Variants in TAFA5 observed in about 807,000 individuals in gnomAD.
TAFA5 encodes the protein TAFA chemokine like family member 5.
TAFA5 carries 6 observed loss-of-function variants against 15.3 expected under a neutral mutation model. The ratio of observed to expected loss-of-function variants is 0.39; its 90% CI spans 0.21 to 0.77. The LOEUF (loss-of-function observed/expected upper bound fraction) is 0.77. TAFA5 is among the 30% of genes least tolerant of loss of function. TAFA5 has a pLI of 0.41. For missense variants in TAFA5, 161 were observed against 193.1 expected (o/e 0.83, Z 0.98); for synonymous variants, 103 against 80.7 (o/e 1.28, Z -1.48).
chr22:48,693,193 C>T, intron 2 of TAFA5: 1 of 1,133,194 alleles, frequency 8.8e-7, no homozygotes, highest in Non-Finnish European at 1.3e-6. Flanking sequence ...CTGGAGGGGC[C>T]TCAGTGACGG....
chr22:48,710,733 G>T (rs79794215), intron 3 of TAFA5, among the ~76,000 whole-genome samples: 6,402 of 152,304 alleles, frequency 0.042, 433 homozygotes, highest in African/African-American at 0.14. Flanking sequence ...ATTCCAGAGG[G>T]GTTCGAGCCT....
chr22:48,537,448 G>A (rs997149366), intron 1 of TAFA5, among the ~76,000 whole-genome samples: 6 of 152,242 alleles, frequency 3.9e-5, no homozygotes, highest in Non-Finnish European at 7.3e-5. Flanking sequence ...TGTGCCAGGA[G>A]GCATGTGGGC....
intron 3 of TAFA5, among the ~76,000 whole-genome samples, chr22:48,740,886 G>A (rs1206581962): frequency 6.6e-6 from 1 of 152,188 alleles, no homozygotes; most frequent in Non-Finnish European, 1.5e-5. Context: ...CTGGGACTGT[G>A]CCAGGTAAAC....
At chr22:48,533,511 G>T (rs1411564254) in intron 1 of TAFA5, among the ~76,000 whole-genome samples, 1 of 152,212 alleles carries the variant, frequency 6.6e-6, no homozygotes, top group Non-Finnish European at 1.5e-5. Flanking sequence ...GCCCATCAGA[G>T]ATGTCAGCAG....
intron 1 of TAFA5, among the ~76,000 whole-genome samples, chr22:48,510,023 CATT>C (rs936234496): frequency 3.3e-5 from 5 of 151,066 alleles, no homozygotes; most frequent in Non-Finnish European, 5.9e-5. Context: ...CTGTCTCTCA[CATT>C]ATAAAGAAAC....
At chr22:48,587,704 G>A (rs1034854954) in intron 1 of TAFA5, among the ~76,000 whole-genome samples, 4 of 152,198 alleles carry the variant, frequency 2.6e-5, no homozygotes, top group Non-Finnish European at 5.9e-5. Flanking sequence ...CAGGGTGCGG[G>A]TTCCCCACTT....
At chr22:48,509,597 T>C (rs1483955099) in intron 1 of TAFA5, among the ~76,000 whole-genome samples, 1 of 152,180 alleles carries the variant, frequency 6.6e-6, no homozygotes, top group Non-Finnish European at 1.5e-5. Flanking sequence ...AACATCCATT[T>C]GGGGAAAGGA....
chr22:48,678,472 C>A (rs1928048024), intron 2 of TAFA5, among the ~76,000 whole-genome samples: 1 of 152,116 alleles, frequency 6.6e-6, no homozygotes, highest in African/African-American at 2.4e-5. Context: ...AATGCTGAGG[C>A]CTGTGGTCCA....
intron 1 of TAFA5, among the ~76,000 whole-genome samples, chr22:48,571,574 GTTTTTTTTTTT>G (rs57578802): frequency 0.012 from 344 of 29,254 alleles, 7 homozygotes; most frequent in East Asian, 0.04. Context: ...TGCCTGGCCT[GTTTTTTTTTTT>G]TTTTTTTTTT....
In TAFA5 at chr22:48,742,103, T is replaced by C. The variant is rs1207797369; in HGVS notation, c.391-7736T>C. Among the ~76,000 whole-genome samples, 1 of 152,152 alleles carries C rather than the reference T, an allele frequency of 6.6e-6. No homozygotes were observed. Among genetic ancestry groups the C allele is most frequent in the Non-Finnish European group, 1.5e-5 (1 of 68,008 alleles). On this transcript the variant is annotated intron_variant, in intron 3 of 3. Transcript: ENST00000402357. The surrounding 1 kb of genome is among the most constrained non-coding windows in gnomAD (Gnocchi z 6.2). ...GGAGGCTGTGGGAGGTCGGGGCACC[T>C]GCCAGGCTCTGGAGGGGTCTGGCTG...
intron 1 of TAFA5, among the ~76,000 whole-genome samples, chr22:48,618,207 T>C (rs1410111420): frequency 6.6e-6 from 1 of 152,156 alleles, no homozygotes; most frequent in East Asian, 1.9e-4. Flanking sequence ...GTTGGGGCTC[T>C]GGAAGTCTCT....
intron 2 of TAFA5, among the ~76,000 whole-genome samples, chr22:48,668,839 C>A (rs1927709871): frequency 6.6e-6 from 1 of 152,208 alleles, no homozygotes; most frequent in Admixed American, 6.5e-5. Context: ...AACTTCCCTC[C>A]TGGTGGAGGC....
At position 48,550,224 on chromosome 22, in the gene TAFA5, A is replaced by G. The variant is rs750296407; in HGVS notation, c.112+60520A>G. Among the ~76,000 whole-genome samples the G allele has an allele frequency of 7.6e-4, 115 of 152,272 alleles. No homozygotes were observed. The highest frequency in any genetic ancestry group is 1.3e-3 in the Non-Finnish European group (89 of 68,016). ...GAGCTAGAGAAGGCTCCAGGAGTTG[A>G]GTGCTTGGCTCCAGGGCCTGGGCAG... On this transcript the variant is annotated intron_variant, in intron 1 of 3. Coordinates refer to ENST00000402357, the MANE Select transcript of TAFA5 (RefSeq NM_001082967.3). This position sits in a 1 kb window ranked among gnomAD's most constrained non-coding sequence, Gnocchi z 4.1.
Position 48,624,554 on chromosome 22 carries a change from C to T in TAFA5, c.113-22043C>T, listed in dbSNP as rs147361798. On this transcript the variant is annotated intron_variant, in intron 1 of 3. Transcript: ENST00000402357. ...AGTGTGGACTGATAGATGCGTTTGT[C>T]CTTTAGGCTGCGATCCAGGGCTGCT... Among the ~76,000 whole-genome samples the T allele has an allele frequency of 1.2e-3, 184 of 152,272 alleles. 1 individual carries two copies. The highest frequency in any genetic ancestry group is 4.2e-3 in the African/African-American group (174 of 41,548).
intron 1 of TAFA5, among the ~76,000 whole-genome samples, chr22:48,522,314 T>G (rs1360742420): frequency 6.6e-6 from 1 of 151,898 alleles, no homozygotes; most frequent in East Asian, 1.9e-4. Flanking sequence ...TTGGGGGCTC[T>G]GAACAGGTGT....
In TAFA5 at chr22:48,659,090, C is replaced by A. The variant is rs139940492; in HGVS notation, c.262+12344C>A. On this transcript the variant is annotated intron_variant, in intron 2 of 3. Transcript: ENST00000402357. ...TCCGAGGGCCCTGCTGAGGGCGCAG[C>A]GCCTTCTGGACCCCGCGGCGGAGGA... Among the ~76,000 whole-genome samples, 38 of 152,340 alleles carry A rather than the reference C, an allele frequency of 2.5e-4. No individual in the cohort carries two copies. The East Asian group carries it at 7.0e-3, about 28-fold the overall frequency.
At chr22:48,736,040 G>A (rs132259) in intron 3 of TAFA5, among the ~76,000 whole-genome samples, 434 of 16,254 alleles carry the variant, frequency 0.027, 33 homozygotes, top group African/African-American at 0.089. Context: ...GCACTCCTAG[G>A]GTCCCTCCCC....
chr22:48,725,989 C>T (rs1399894612), intron 3 of TAFA5, among the ~76,000 whole-genome samples: 1 of 152,118 alleles, frequency 6.6e-6, no homozygotes, highest in Non-Finnish European at 1.5e-5. Flanking sequence ...CTTTGAATTT[C>T]AAGAACAAAG....
At chr22:48,579,555 G>C (rs1923955108) in intron 1 of TAFA5, among the ~76,000 whole-genome samples, 1 of 152,234 alleles carries the variant, frequency 6.6e-6, no homozygotes, top group Admixed American at 6.5e-5. Context: ...AGACGCGAGA[G>C]GGAAGCCAGC....
Sources: allele counts gnomAD v4.1 joint callset (sites outside exome capture counted in the v4.1 genomes callset), GRCh38; gene constraint gnomAD v4.1.1; non-coding constraint Gnocchi (gnomAD v3.1); transcripts MANE v1.5; gene names NCBI Gene and HGNC (gene_info 2026-07-23, HGNC 2026-07-21).